GRIK4: variants seen among roughly 807,000 people sequenced by gnomAD.
The protein encoded by GRIK4 is glutamate ionotropic receptor kainate type subunit 4.
GRIK4 carries 40 observed loss-of-function variants against 104.9 expected under a neutral mutation model. The ratio of observed to expected loss-of-function variants is 0.38; its 90% CI spans 0.30 to 0.50. The LOEUF is 0.50. Ranked by LOEUF, GRIK4 falls within the 20% of genes least tolerant of loss-of-function variation. The pLI is 0.93. For synonymous variants in GRIK4, 485 were observed against 524.9 expected (o/e 0.92, Z 1.04); for missense variants, 1,047 against 1,308.1 (o/e 0.80, Z 3.08).
intron 1 of GRIK4, among the ~76,000 whole-genome samples, chr11:120,566,697 A>C (rs1395621737): frequency 6.7e-6 from 1 of 148,266 alleles, no homozygotes; most frequent in Non-Finnish European, 1.5e-5. Flanking sequence ...TTTCTTGTTT[A>C]TACCCTCAGT....
At chr11:120,937,294 C>T (rs1943619068) in intron 13 of GRIK4, among the ~76,000 whole-genome samples, 1 of 152,204 alleles carries the variant, frequency 6.6e-6, no homozygotes, top group South Asian at 2.1e-4. Context: ...CCAGCTCAGC[C>T]TCCCGAAGTG....
chr11:120,766,616 T>C (rs2135449784), intron 3 of GRIK4, among the ~76,000 whole-genome samples: 1 of 152,288 alleles, frequency 6.6e-6, no homozygotes, highest in South Asian at 2.1e-4. Context: ...TTCTGTGGGT[T>C]GCAAAGACCA....
At chr11:120,865,865 A>G (rs1954393999) in intron 9 of GRIK4, among the ~76,000 whole-genome samples, 1 of 152,148 alleles carries the variant, frequency 6.6e-6, no homozygotes, top group South Asian at 2.1e-4. Flanking sequence ...TACAAGAAGC[A>G]TGGTGCCGGT....
intron 3 of GRIK4, among the ~76,000 whole-genome samples, chr11:120,674,208 A>G (rs183130606): frequency 6.6e-6 from 1 of 152,060 alleles, no homozygotes; most frequent in Admixed American, 6.5e-5. Flanking sequence ...TCTCCATCCT[A>G]ATTAGGATGT....
chr11:120,518,332 T>G (rs1019176981), intron 1 of GRIK4, among the ~76,000 whole-genome samples: 1 of 152,226 alleles, frequency 6.6e-6, no homozygotes, highest in African/African-American at 2.4e-5. Context: ...TTAGTAGTTA[T>G]TATTGTGTTG....
At chr11:120,657,407 G>A (rs148937441) in intron 2 of GRIK4, among the ~76,000 whole-genome samples, 6 of 152,282 alleles carry the variant, frequency 3.9e-5, no homozygotes, top group Non-Finnish European at 7.3e-5. Flanking sequence ...TGCCAACAGC[G>A]GAGTTGCCTT....
At chr11:120,814,041 C>T (rs556055425) in intron 4 of GRIK4, among the ~76,000 whole-genome samples, 2 of 152,310 alleles carry the variant, frequency 1.3e-5, no homozygotes, top group South Asian at 2.1e-4. Context: ...TTCTCTCCCC[C>T]TCCTCTGATT....
chr11:120,728,116 A>AT (rs1951063946), intron 3 of GRIK4, among the ~76,000 whole-genome samples: 1 of 152,162 alleles, frequency 6.6e-6, no homozygotes, highest in Non-Finnish European at 1.5e-5. Flanking sequence ...ACCAAGACAT[A>AT]TTTTAGTAAT....
intron 3 of GRIK4, among the ~76,000 whole-genome samples, chr11:120,711,872 G>A (rs1011010751): frequency 2.0e-5 from 3 of 152,232 alleles, no homozygotes; most frequent in African/African-American, 7.2e-5. Context: ...GTTCTGTACG[G>A]GATGAAAAGC....
At chr11:120,743,411 G>C (rs557850707) in intron 3 of GRIK4, among the ~76,000 whole-genome samples, 1 of 152,210 alleles carries the variant, frequency 6.6e-6, no homozygotes, top group African/African-American at 2.4e-5. Flanking sequence ...ATCAGACACA[G>C]GGGTCTACTT....
intron 1 of GRIK4, among the ~76,000 whole-genome samples, chr11:120,606,223 G>A (rs555920835): frequency 6.6e-6 from 1 of 152,222 alleles, no homozygotes; most frequent in Non-Finnish European, 1.5e-5. Context: ...TCATGGCATG[G>A]GGCCCAGATT....
At chr11:120,724,766 A>G (rs1950999059) in intron 3 of GRIK4, among the ~76,000 whole-genome samples, 1 of 152,274 alleles carries the variant, frequency 6.6e-6, no homozygotes, top group Admixed American at 6.5e-5. Context: ...GTAACTACTA[A>G]GTAAACTGAC....
At chr11:120,712,265 G>T (rs1270022883) in intron 3 of GRIK4, among the ~76,000 whole-genome samples, 1 of 152,200 alleles carries the variant, frequency 6.6e-6, no homozygotes, top group Non-Finnish European at 1.5e-5. Context: ...GCGGTGTGCT[G>T]GGGCGAGGGT....
At chr11:120,926,456 C>T (rs1943347669) in intron 13 of GRIK4, among the ~76,000 whole-genome samples, 1 of 152,148 alleles carries the variant, frequency 6.6e-6, no homozygotes, top group African/African-American at 2.4e-5. Context: ...TTAATTTAAC[C>T]TCCCCAACAT....
intron 1 of GRIK4, among the ~76,000 whole-genome samples, chr11:120,645,534 A>G (rs561579989): frequency 6.6e-6 from 1 of 152,142 alleles, no homozygotes; most frequent in East Asian, 1.9e-4. Context: ...GCTTAATATC[A>G]AAGAGGCTGC....
chr11:120,907,799 G>A (rs968830639), intron 13 of GRIK4, among the ~76,000 whole-genome samples: 1 of 152,176 alleles, frequency 6.6e-6, no homozygotes, highest in African/African-American at 2.4e-5. Flanking sequence ...CCCTTGGGAT[G>A]TGTGCGCTGG....
intron 3 of GRIK4, among the ~76,000 whole-genome samples, chr11:120,712,056 G>T (rs2135356255): frequency 6.6e-6 from 1 of 152,386 alleles, no homozygotes; most frequent in Non-Finnish European, 1.5e-5. Flanking sequence ...CAAGGTCGCT[G>T]CTTCACGCAG....
chr11:120,885,235 C>T (rs1955083794), intron 11 of GRIK4, among the ~76,000 whole-genome samples: 1 of 152,204 alleles, frequency 6.6e-6, no homozygotes, highest in Non-Finnish European at 1.5e-5. Flanking sequence ...GATGAGTCCT[C>T]GTGTTGACTG....
intron 1 of GRIK4, among the ~76,000 whole-genome samples, chr11:120,634,563 C>T (rs1011522794): frequency 4.6e-5 from 7 of 152,132 alleles, no homozygotes; most frequent in African/African-American, 1.2e-4. Context: ...CCCAGCCTGC[C>T]GGCCTGCCTA....
Sources: allele counts gnomAD v4.1 joint callset (sites outside exome capture counted in the v4.1 genomes callset), GRCh38; gene constraint gnomAD v4.1.1; transcripts MANE v1.5; gene names NCBI Gene and HGNC (gene_info 2026-07-23, HGNC 2026-07-21).